TXNRD2: variants seen among roughly 807,000 people sequenced by gnomAD.
The protein encoded by TXNRD2 is thioredoxin reductase 2, also known as thioredoxin reductase 2, mitochondrial.
A neutral mutation model predicts 70.8 loss-of-function variants in TXNRD2; 67 were observed. The observed-to-expected ratio is 0.95, with a 90% CI of 0.78 to 1.16. The LOEUF (loss-of-function observed/expected upper bound fraction) is 1.16. TXNRD2 is among the 50% of genes most tolerant of loss of function. The pLI, the probability that TXNRD2 is intolerant of heterozygous loss-of-function variation, is 0.00. For missense variants in TXNRD2, 644 were observed against 719.9 expected, an observed-to-expected ratio of 0.89 and a Z score of 1.21; for synonymous variants, 301 against 295.8, an observed-to-expected ratio of 1.02 and a Z score of -0.18.
At chr22:19,878,766 C>T (rs952773995) in intron 14 of TXNRD2, among the ~76,000 whole-genome samples, 5 of 152,172 alleles carry the variant, frequency 3.3e-5, no homozygotes, top group African/African-American at 7.2e-5. Flanking sequence ...CCTGGGTGGA[C>T]GTAGCTCACC....
intron 2 of TXNRD2, among the ~76,000 whole-genome samples, chr22:19,923,949 G>GTT (rs1395797041): frequency 6.7e-6 from 1 of 149,438 alleles, no homozygotes; most frequent in Non-Finnish European, 1.5e-5. Context: ...TCCAACTGCA[G>GTT]GCCATTCAGG....
intron 10 of TXNRD2, 90 bp from the exon 11 acceptor site, chr22:19,895,671 G>T: frequency 6.9e-7 from 1 of 1,447,680 alleles, no homozygotes; most frequent in Non-Finnish European, 9.5e-7. Context: ...CCTCAATGAA[G>T]GGCGGAGAGG....
intron 14 of TXNRD2, 85 bp downstream of exon 14, chr22:19,880,094 C>T: frequency 1.4e-6 from 2 of 1,418,310 alleles, no homozygotes; most frequent in African/African-American, 1.4e-5. Flanking sequence ...GACCTTGGCA[C>T]CCTGCTCACA....
intron 8 of TXNRD2, among the ~76,000 whole-genome samples, chr22:19,900,132 C>T (rs908829626): frequency 6.6e-6 from 1 of 152,230 alleles, no homozygotes; most frequent in African/African-American, 2.4e-5. Context: ...CAGAACCGCA[C>T]CACTGTCAGG....
chr22:19,941,109 CTGGCCACA>C (rs1444360062), intron 1 of TXNRD2, among the ~76,000 whole-genome samples: 4 of 152,184 alleles, frequency 2.6e-5, no homozygotes, highest in Non-Finnish European at 4.4e-5. Context: ...TGGAATGAAA[CTGGCCACA>C]CATAACAGAT....
chr22:19,938,842 A>C (rs1229284656), intron 1 of TXNRD2, among the ~76,000 whole-genome samples: 2 of 152,228 alleles, frequency 1.3e-5, no homozygotes. Flanking sequence ...AAGTTACTGT[A>C]AAAGAAGACA....
intron 11 of TXNRD2, among the ~76,000 whole-genome samples, chr22:19,884,942 G>C (rs1023359372): frequency 6.6e-6 from 1 of 152,206 alleles, no homozygotes; most frequent in Non-Finnish European, 1.5e-5. Context: ...CTAAGGGGCA[G>C]TGTCCAAACT....
chr22:19,930,742 G>A (rs189705806), intron 2 of TXNRD2, among the ~76,000 whole-genome samples: 122 of 152,336 alleles, frequency 8.0e-4, no homozygotes, highest in Non-Finnish European at 1.3e-3. Context: ...GAGGGTGTGA[G>A]TGGTGGGAGC....
At position 19,894,150 on chromosome 22, in the gene TXNRD2, G is replaced by T. The variant is rs570736278; in HGVS notation, c.949+1257C>A. 2.0e-5 allele frequency: 3 copies of T among 152,372 alleles called. No individual in the cohort carries two copies. In the East Asian group the frequency reaches 5.8e-4, roughly 29 times the overall value. 9.4% of individuals were successfully genotyped at this position (152,372 alleles called of 1,614,324 possible). A position where few individuals can be genotyped will look rare whatever the true frequency, so the allele number is the denominator to read the frequency against. ...GCACCCTGAAAACATTGTGCTAAGA[G>T]AAATGAGCCAGTCACAAAAGGACAA... On this transcript the variant is annotated intron_variant, in intron 11 of 17. Coordinates refer to ENST00000400521, the MANE Select transcript of TXNRD2 (RefSeq NM_006440.5).
chr22:19,900,139 C>T (rs1939704787), intron 8 of TXNRD2, among the ~76,000 whole-genome samples: 1 of 152,236 alleles, frequency 6.6e-6, no homozygotes, highest in South Asian at 2.1e-4. Flanking sequence ...GCACCACTGT[C>T]AGGATTAGGG....
In TXNRD2 at chr22:19,919,344, T is replaced by G. The variant is rs200675244; in HGVS notation, c.229+199A>C. Among the ~76,000 whole-genome samples, 31 of 149,738 alleles carry G rather than the reference T, an allele frequency of 2.1e-4. No individual in the cohort carries two copies. The East Asian group carries it at 6.0e-3, about 29-fold the overall frequency. On this transcript the variant is annotated intron_variant, in intron 3 of 17. Coordinates refer to ENST00000400521, the MANE Select transcript of TXNRD2 (RefSeq NM_006440.5). ...TCCCAAAGTGCTGTGAGTACAGGCG[T>G]GAGCAACTGCACCTGGCCAGAGTTG...
chr22:19,909,499 TCACA>T (rs577457850), intron 8 of TXNRD2, among the ~76,000 whole-genome samples: 2 of 141,374 alleles, frequency 1.4e-5, no homozygotes, highest in Admixed American at 7.3e-5. Flanking sequence ...GACACACCAC[TCACA>T]CACACACACA....
chr22:19,903,925 G>A (rs1410709416), intron 8 of TXNRD2, among the ~76,000 whole-genome samples: 1 of 152,220 alleles, frequency 6.6e-6, no homozygotes, highest in African/African-American at 2.4e-5. Flanking sequence ...TCCACTGCCT[G>A]CCCAGGGTCA....
chr22:19,940,912 G>A (rs577156320), intron 1 of TXNRD2, among the ~76,000 whole-genome samples: 90 of 152,166 alleles, frequency 5.9e-4, no homozygotes, highest in African/African-American at 2.0e-3. Flanking sequence ...CCTCCCTCCC[G>A]AGTCCACCGC....
Position 19,918,131 on chromosome 22 carries a change from G to C in TXNRD2, c.449+12C>G, listed in dbSNP as rs1940718832. 1 of 1,613,322 alleles carries C rather than the reference G, an allele frequency of 6.2e-7. No homozygotes were observed. The highest frequency in any genetic ancestry group is 8.5e-7 in the Non-Finnish European group (1 of 1,179,394). ...CCAGAGGGCGGCCCATTCCCGGAGA[G>C]AGCTTCAGTACCTGTCCTGAAGCTG... On this transcript the variant is annotated intron_variant, in intron 5 of 17. Transcript: ENST00000400521.
intron 4 of TXNRD2, 33 bp from the exon 5 acceptor site, chr22:19,918,250 C>T: frequency 6.3e-7 from 1 of 1,591,546 alleles, no homozygotes; most frequent in African/African-American, 1.3e-5. Context: ...GTAAAATCCA[C>T]AACACAGGTG....
intron 14 of TXNRD2, 88 bp from the exon 15 acceptor site, chr22:19,878,525 A>G: frequency 1.6e-6 from 2 of 1,231,568 alleles, no homozygotes; most frequent in East Asian, 4.6e-5. Flanking sequence ...TGGGCAAGGC[A>G]GGGTCATGGC....
intron 9 of TXNRD2, 70 bp downstream of exon 9, chr22:19,898,979 G>A (rs1939647634): frequency 6.3e-7 from 1 of 1,589,022 alleles, no homozygotes; most frequent in Admixed American, 1.7e-5. Context: ...AAGGGCGGGT[G>A]GCAGGGAGGG....
At chr22:19,941,608 G>A (rs760101167) in intron 1 of TXNRD2, 93 bp downstream of exon 1, 4 of 1,350,552 alleles carry the variant, frequency 3.0e-6, no homozygotes, top group Non-Finnish European at 3.8e-6. Flanking sequence ...GCACCCCCAC[G>A]GGGACACCCT....
Sources: allele counts gnomAD v4.1 joint callset (sites outside exome capture counted in the v4.1 genomes callset), GRCh38; gene constraint gnomAD v4.1.1; transcripts MANE v1.5; gene names NCBI Gene and HGNC (gene_info 2026-07-23, HGNC 2026-07-21).